Variants in NCS1 observed in about 807,000 individuals in gnomAD.
NCS1 encodes frequenin homolog.
A neutral mutation model predicts 28.4 loss-of-function variants in NCS1; 6 were observed. The observed-to-expected ratio is 0.21, with a 90% CI of 0.12 to 0.42. NCS1 has a LOEUF of 0.42. NCS1 is among the 10% of genes least tolerant of loss of function. NCS1 has a pLI of 1.00. For missense variants in NCS1, 131 were observed against 241.4 expected, an observed-to-expected ratio of 0.54 and a Z score of 3.03; for synonymous variants, 86 against 99.3, an observed-to-expected ratio of 0.87 and a Z score of 0.79.
Position 130,191,149 on chromosome 9 carries a change from C to T in NCS1, c.65-9809C>T, listed in dbSNP as rs1413977560. 6.6e-6 allele frequency among the ~76,000 whole-genome samples: 1 copy of T among 152,212 alleles called. No homozygotes were observed. The highest frequency in any genetic ancestry group is 1.5e-5 in the Non-Finnish European group (1 of 68,024). On this transcript the variant is annotated intron_variant, in intron 1 of 7. Coordinates refer to ENST00000372398, the MANE Select transcript of NCS1 (RefSeq NM_014286.4). This position sits in a 1 kb window ranked among gnomAD's most constrained non-coding sequence, Gnocchi z 6.4. ...CCCTGACAGCGGGGCAGGGAGCACG[C>T]TGACCCAGGCCACGTGGCGACTGGA...
At position 130,215,366 on chromosome 9, in the gene NCS1, C is replaced by T. The variant is rs530044394; in HGVS notation, c.90-2466C>T. Among the ~76,000 whole-genome samples the T allele has an allele frequency of 1.3e-5, 2 of 152,258 alleles. No individual in the cohort carries two copies. Among genetic ancestry groups the T allele is most frequent in the East Asian group, 1.9e-4 (1 of 5,166 alleles). ...CTGCTGTGGGAAGGGACTTGAGATC[C>T]GTGTGCTTTGCTTCCTTCTTGCTTG... On this transcript the variant is annotated intron_variant, in intron 2 of 7. Transcript: ENST00000372398. The surrounding 1 kb of genome is among the most constrained non-coding windows in gnomAD (Gnocchi z 4.2).
At chr9:130,203,052 GT>G (rs1832976028) in intron 2 of NCS1, among the ~76,000 whole-genome samples, 1 of 145,366 alleles carries the variant, frequency 6.9e-6, no homozygotes, top group African/African-American at 2.5e-5. Context: ...AAATATGTGT[GT>G]GTGTGTGTGT....
rs1833529230 is a variant in NCS1, at chr9:130,233,586, T to C, written c.*614T>C. ...ATGATGATTTTTTTTGTGATAACAG[T>C]ATTGTGCTTTTTGTGGGGAAAGTGA... On this transcript the variant is annotated 3_prime_UTR_variant, in exon 8 of 8. Coordinates refer to ENST00000372398, the MANE Select transcript of NCS1 (RefSeq NM_014286.4). This position sits in a 1 kb window ranked among gnomAD's most constrained non-coding sequence, Gnocchi z 4.8. 1.3e-5 allele frequency: 2 copies of C among 148,910 alleles called. No homozygotes were observed. The highest frequency in any genetic ancestry group is 4.4e-4 in the South Asian group (2 of 4,524). 9.2% of individuals were successfully genotyped at this position (148,910 alleles called of 1,614,324 possible).
chr9:130,173,201 G>GGGA (rs1554904283), intron 1 of NCS1, among the ~76,000 whole-genome samples: 45 of 131,546 alleles, frequency 3.4e-4, no homozygotes, highest in African/African-American at 1.6e-3. Context: ...CGTTCGTGTG[G>GGGA]GGGGGGGGGT....
intron 1 of NCS1, among the ~76,000 whole-genome samples, chr9:130,182,866 G>C (rs1052768049): frequency 6.6e-6 from 1 of 152,184 alleles, no homozygotes; most frequent in African/African-American, 2.4e-5. Flanking sequence ...AGGTGCCTTC[G>C]GAGGTATCTG....
Position 130,235,475 on chromosome 9 carries a change from T to C in NCS1, c.*2503T>C, listed in dbSNP as rs1321003361. On this transcript the variant is annotated 3_prime_UTR_variant, in exon 8 of 8. Coordinates refer to ENST00000372398, the MANE Select transcript of NCS1 (RefSeq NM_014286.4). ...GGCTGAGGGTGTCTGGGCTTAAGCA[T>C]GTGGACCCCTTCGGTGTGTCCGGCC... 1 of 152,676 alleles carries C rather than the reference T, an allele frequency of 6.5e-6. No homozygotes were observed. Among genetic ancestry groups the C allele is most frequent in the African/African-American group, 2.4e-5 (1 of 41,486 alleles). The allele number at this position is 152,676 out of a possible 1,614,324, so 9.5% of individuals were successfully genotyped here.
At chr9:130,173,522 C>G (rs1449925510) in intron 1 of NCS1, among the ~76,000 whole-genome samples, 1 of 152,216 alleles carries the variant, frequency 6.6e-6, no homozygotes, top group African/African-American at 2.4e-5. Flanking sequence ...AGGCTTCCCC[C>G]TTCCCTGCAG....
rs1554912560 is a variant in NCS1 at position 130,234,267 on chromosome 9, G to A, written c.*1295G>A. The A allele has an allele frequency of 6.6e-6, 1 of 152,316 alleles. No individual in the cohort carries two copies. Among genetic ancestry groups the A allele is most frequent in the African/African-American group, 2.4e-5 (1 of 41,452 alleles). The allele number at this position is 152,316 out of a possible 1,614,324, so 9.4% of individuals were successfully genotyped here. On this transcript the variant is annotated 3_prime_UTR_variant, in exon 8 of 8. Transcript: ENST00000372398. This position sits in a 1 kb window ranked among gnomAD's most constrained non-coding sequence, Gnocchi z 6.1. ...TTCCCTGGCCTTCTCTTGGCTCAAA[G>A]GCTGGGAGGGAGGGAAGGAGAGAAG...
chr9:130,177,488 G>A lies in NCS1; in HGVS notation c.64+4761G>A, dbSNP rs1413705654. Among the ~76,000 whole-genome samples the A allele has an allele frequency of 3.9e-5, 6 of 152,160 alleles. No individual in the cohort carries two copies. The highest frequency in any genetic ancestry group is 6.5e-5 in the Admixed American group (1 of 15,280). The stretch of plus-strand genomic sequence containing the variant: ...AGGACCAAAGCAAGGGAGGGGCTTC[G>A]GCCGTCCCTGTACATCCCGTGTGCG... On this transcript the variant is annotated intron_variant, in intron 1 of 7. Coordinates refer to ENST00000372398, the MANE Select transcript of NCS1 (RefSeq NM_014286.4). The surrounding 1 kb of genome is among the most constrained non-coding windows in gnomAD (Gnocchi z 4.4).
rs1206714539 is a variant in NCS1 at position 130,235,862 on chromosome 9, G to A, written c.*2890G>A. Reference sequence around the variant, plus strand: ...TCAGATGCTCTGATGCAGAGGGCACGCCCATAGTCCCTCTGCAGAGCCTCG... The same window carrying A: ...TCAGATGCTCTGATGCAGAGGGCACACCCATAGTCCCTCTGCAGAGCCTCG... On this transcript the variant is annotated 3_prime_UTR_variant, in exon 8 of 8. Coordinates refer to ENST00000372398, the MANE Select transcript of NCS1 (RefSeq NM_014286.4). 1.3e-5 allele frequency: 2 copies of A among 152,280 alleles called. No homozygotes were observed. The highest frequency in any genetic ancestry group is 2.4e-5 in the African/African-American group (1 of 41,458). The allele number at this position is 152,280 out of a possible 1,614,324, so 9.4% of individuals were successfully genotyped here.
chr9:130,207,515 CAG>C (rs1833042097), intron 2 of NCS1, among the ~76,000 whole-genome samples: 1 of 152,240 alleles, frequency 6.6e-6, no homozygotes, highest in Non-Finnish European at 1.5e-5. Flanking sequence ...GTCAGCTGCT[CAG>C]AGAGGAGGTC....
intron 7 of NCS1, among the ~76,000 whole-genome samples, chr9:130,227,980 G>C (rs1336350573): frequency 6.6e-6 from 1 of 151,834 alleles, no homozygotes; most frequent in Non-Finnish European, 1.5e-5. Flanking sequence ...GGTTTGGCTG[G>C]TGATGACCTG....
chr9:130,203,772 C>A (rs782474194), intron 2 of NCS1, among the ~76,000 whole-genome samples: 3 of 152,122 alleles, frequency 2.0e-5, no homozygotes, highest in Non-Finnish European at 4.4e-5. Flanking sequence ...TCAGACACAG[C>A]CTCGTTCATT....
At chr9:130,220,962 C>T (rs1311167067) in intron 4 of NCS1, among the ~76,000 whole-genome samples, 4 of 152,138 alleles carry the variant, frequency 2.6e-5, no homozygotes, top group South Asian at 2.1e-4. Flanking sequence ...GGCTCTCCCA[C>T]GCACTCAGCT....
In NCS1 at chr9:130,211,623, C is replaced by T. The variant is rs539085819; in HGVS notation, c.90-6209C>T. The stretch of plus-strand genomic sequence containing the variant: ...GTGGGCAGGGCCAGGAGAGCCGGTC[C>T]CTCTCTCCCCTTCCTGGTACCGAGC... On this transcript the variant is annotated intron_variant, in intron 2 of 7. Coordinates refer to ENST00000372398, the MANE Select transcript of NCS1 (RefSeq NM_014286.4). Among the ~76,000 whole-genome samples the T allele has an allele frequency of 4.0e-4, 61 of 151,998 alleles. No individual in the cohort carries two copies. In the East Asian group the frequency reaches 0.01, roughly 26 times the overall value.
At chr9:130,222,772 C>CAGGA (rs782447450) in intron 5 of NCS1, 34 bp downstream of exon 5, 1 of 1,595,578 alleles carries the variant, frequency 6.3e-7, no homozygotes, top group East Asian at 2.2e-5. Flanking sequence ...TTAGGGGTGG[C>CAGGA]AGGAGGGGCA....
rs1305876562 is a variant in NCS1 at position 130,194,819 on chromosome 9, C to T, written c.65-6139C>T. Among the ~76,000 whole-genome samples, 5 of 152,242 alleles carry T rather than the reference C, an allele frequency of 3.3e-5. 1 individual carries two copies. The highest frequency in any genetic ancestry group is 1.3e-4 in the Admixed American group (2 of 15,296). Reference sequence around the variant, plus strand: ...GAGGCAGAGTGTGATGGAGAGAGTTCGTTTTAAAAATTGGCCAAAGCCAGA... The same window carrying T: ...GAGGCAGAGTGTGATGGAGAGAGTTTGTTTTAAAAATTGGCCAAAGCCAGA... On this transcript the variant is annotated intron_variant, in intron 1 of 7. Transcript: ENST00000372398.
chr9:130,204,908 CTT>C (rs1273398114), intron 2 of NCS1, among the ~76,000 whole-genome samples: 1 of 151,992 alleles, frequency 6.6e-6, no homozygotes, highest in Non-Finnish European at 1.5e-5. Context: ...GGGTGAGTGA[CTT>C]TTGTTTACTC....
Position 130,220,233 on chromosome 9 carries a change from A to G in NCS1, c.307+430A>G, listed in dbSNP as rs1331123546. Among the ~76,000 whole-genome samples the G allele has an allele frequency of 8.5e-5, 13 of 152,266 alleles. No homozygotes were observed. The East Asian group carries it at 2.3e-3, about 27-fold the overall frequency. ...TGCCGGACCCACCTCTTTCATAGCC[A>G]TTGCTTTGATTCTTGCTTTCAGTCA... On this transcript the variant is annotated intron_variant, in intron 4 of 7. Coordinates refer to ENST00000372398, the MANE Select transcript of NCS1 (RefSeq NM_014286.4).
Sources: allele counts gnomAD v4.1 joint callset (sites outside exome capture counted in the v4.1 genomes callset), GRCh38; gene constraint gnomAD v4.1.1; non-coding constraint Gnocchi (gnomAD v3.1); transcripts MANE v1.5; gene names NCBI Gene and HGNC (gene_info 2026-07-23, HGNC 2026-07-21).